The following TMEM132D variants were observed in gnomAD, a reference collection of about 807,000 sequenced individuals.
TMEM132D encodes transmembrane protein 132D, also known as mature OL transmembrane protein.
Under a neutral mutation model 62.3 loss-of-function variants are expected in TMEM132D, and 21 were observed. The observed-to-expected ratio is 0.34, with a 90% CI of 0.24 to 0.49. TMEM132D has a LOEUF of 0.49. Ranked by LOEUF, TMEM132D falls within the 20% of genes least tolerant of loss-of-function variation. The pLI, the probability that TMEM132D is intolerant of heterozygous loss-of-function variation, is 0.99. For missense variants in TMEM132D, 1,346 were observed against 1,402.8 expected, an observed-to-expected ratio of 0.96 and a Z score of 0.65; for synonymous variants, 621 against 575.6, an observed-to-expected ratio of 1.08 and a Z score of -1.13.
chr12:129,711,610 C>T (rs1881646149), intron 1 of TMEM132D, among the ~76,000 whole-genome samples: 1 of 151,444 alleles, frequency 6.6e-6, no homozygotes, highest in African/African-American at 2.4e-5. Context: ...GCCTGTAATC[C>T]CAGCTACTTA....
chr12:129,722,631 G>A (rs976577508), intron 1 of TMEM132D, among the ~76,000 whole-genome samples: 10 of 152,052 alleles, frequency 6.6e-5, no homozygotes. Flanking sequence ...AAACCTGCTG[G>A]GTCCCCAAGG....
At chr12:129,313,726 A>C (rs1001207728) in intron 4 of TMEM132D, among the ~76,000 whole-genome samples, 1 of 152,212 alleles carries the variant, frequency 6.6e-6, no homozygotes, top group Non-Finnish European at 1.5e-5. Flanking sequence ...GTAGATACCC[A>C]GTAGTGGGAT....
intron 4 of TMEM132D, among the ~76,000 whole-genome samples, chr12:129,292,432 A>G (rs964831741): frequency 1.3e-5 from 2 of 152,198 alleles, no homozygotes; most frequent in African/African-American, 4.8e-5. Flanking sequence ...TGCTAATCAA[A>G]TCACACCCAT....
At chr12:129,732,531 C>T (rs1869283687) in intron 1 of TMEM132D, among the ~76,000 whole-genome samples, 1 of 152,108 alleles carries the variant, frequency 6.6e-6, no homozygotes, top group South Asian at 2.1e-4. Flanking sequence ...CAGATCTGGT[C>T]ATGTAAAATT....
chr12:129,549,640 AG>A (rs929741960), intron 2 of TMEM132D, among the ~76,000 whole-genome samples: 1 of 152,194 alleles, frequency 6.6e-6, no homozygotes, highest in African/African-American at 2.4e-5. Context: ...ACCCAGTCGC[AG>A]GTATGTCTTT....
chr12:129,852,800 T>A (rs1873589163), intron 1 of TMEM132D: 1 of 152,178 alleles, frequency 6.6e-6, no homozygotes, highest in Non-Finnish European at 1.5e-5. Flanking sequence ...TCATAAACTG[T>A]CATTTGTGTT....
chr12:129,601,673 G>A (rs1878486034), intron 2 of TMEM132D, among the ~76,000 whole-genome samples: 1 of 152,082 alleles, frequency 6.6e-6, no homozygotes. Flanking sequence ...GAGAAGAGAG[G>A]GAGAGAGATA....
intron 2 of TMEM132D, among the ~76,000 whole-genome samples, chr12:129,695,619 T>C (rs1881186563): frequency 6.6e-6 from 1 of 152,268 alleles, no homozygotes. Flanking sequence ...ATGCCTCATC[T>C]CATGGGATGT....
chr12:129,493,428 G>T (rs1302552241), intron 3 of TMEM132D, among the ~76,000 whole-genome samples: 1 of 152,142 alleles, frequency 6.6e-6, no homozygotes, highest in Non-Finnish European at 1.5e-5. Flanking sequence ...GAACAAATTG[G>T]TGTCCCATTA....
chr12:129,114,832 G>A (rs942080757), intron 5 of TMEM132D, among the ~76,000 whole-genome samples: 47 of 152,184 alleles, frequency 3.1e-4, no homozygotes, highest in African/African-American at 9.9e-4. Flanking sequence ...GAGATTGGTC[G>A]CATTGTTGTG....
chr12:129,108,442 C>T (rs4964839), intron 5 of TMEM132D, among the ~76,000 whole-genome samples: 105,680 of 152,086 alleles, frequency 0.69, 37,614 homozygotes, highest in African/African-American at 0.85. Flanking sequence ...TCTCAAAGTC[C>T]TGGGTAGTAG....
intron 1 of TMEM132D, among the ~76,000 whole-genome samples, chr12:129,899,258 T>G (rs887281593): frequency 7.1e-6 from 1 of 140,268 alleles, no homozygotes; most frequent in African/African-American, 2.8e-5. Flanking sequence ...GATGCACGGA[T>G]GGATGGATGG....
At chr12:129,382,626 G>A (rs1870983178) in intron 3 of TMEM132D, among the ~76,000 whole-genome samples, 1 of 152,072 alleles carries the variant, frequency 6.6e-6, no homozygotes. Flanking sequence ...GGAAGAGGGA[G>A]GCCCTAATTC....
At chr12:129,451,057 C>A (rs182806846) in intron 3 of TMEM132D, among the ~76,000 whole-genome samples, 23 of 152,190 alleles carry the variant, frequency 1.5e-4, no homozygotes, top group Non-Finnish European at 3.2e-4. Context: ...CCACCGCGCC[C>A]GGCCAATTTT....
At chr12:129,425,684 G>A (rs1330598241) in intron 3 of TMEM132D, among the ~76,000 whole-genome samples, 1 of 152,184 alleles carries the variant, frequency 6.6e-6, no homozygotes, top group African/African-American at 2.4e-5. Context: ...GAACACTGAT[G>A]TTGGGGAGAG....
At chr12:129,414,129 C>A (rs756599510) in intron 3 of TMEM132D, among the ~76,000 whole-genome samples, 4 of 152,176 alleles carry the variant, frequency 2.6e-5, no homozygotes, top group Admixed American at 6.5e-5. Flanking sequence ...ATAAAGTGGG[C>A]GGCTGTGTTA....
In TMEM132D at chr12:129,435,301, A is replaced by G. The variant is rs115726408; in HGVS notation, c.1115+95758T>C. Reference sequence around the variant, plus strand: ...AACTGGAGTGCAGATAATCCTTTCAACATCCTGATTTCATTTCCTTTGCAT... The same window carrying G: ...AACTGGAGTGCAGATAATCCTTTCAGCATCCTGATTTCATTTCCTTTGCAT... On this transcript the variant is annotated intron_variant, in intron 3 of 8. Coordinates refer to ENST00000422113, the MANE Select transcript of TMEM132D (RefSeq NM_133448.3). 6.6e-3 allele frequency among the ~76,000 whole-genome samples: 1,012 copies of G among 152,256 alleles called. 6 individuals carry two copies. The highest frequency in any genetic ancestry group is 0.023 in the African/African-American group (949 of 41,536).
chr12:129,180,642 C>A (rs1162883259), intron 5 of TMEM132D, among the ~76,000 whole-genome samples: 1 of 152,168 alleles, frequency 6.6e-6, no homozygotes, highest in Non-Finnish European at 1.5e-5. Context: ...AAGAAGCAGG[C>A]AGTCAGGAAA....
intron 1 of TMEM132D, among the ~76,000 whole-genome samples, chr12:129,709,668 G>C (rs910311964): frequency 6.6e-6 from 1 of 152,152 alleles, no homozygotes; most frequent in Non-Finnish European, 1.5e-5. Context: ...TGCCTTTAAT[G>C]CATGTTTTTT....
Sources: gnomAD v4.1 joint callset for allele counts (sites outside exome capture counted in the v4.1 genomes callset) on GRCh38, gnomAD v4.1.1 for gene constraint, MANE v1.5 for transcripts, NCBI Gene and HGNC (gene_info 2026-07-23, HGNC 2026-07-21) for gene names.